Variants in RHOQ observed in about 807,000 individuals in gnomAD.
RHOQ encodes the protein ras homolog family member Q.
A neutral mutation model predicts 25.8 loss-of-function variants in RHOQ; 7 were observed. The observed-to-expected ratio is 0.27, with a 90% CI of 0.15 to 0.51. The LOEUF (loss-of-function observed/expected upper bound fraction) is 0.51. Among genes scored for constraint, RHOQ ranks in the 20% least tolerant of loss-of-function variants. The pLI is 0.97. For synonymous variants in RHOQ, 97 were observed against 98.6 expected (o/e 0.98, Z 0.10); for missense variants, 165 against 260.6 (o/e 0.63, Z 2.53).
chr2:46,572,340 C>G (rs1012222926), intron 2 of RHOQ, among the ~76,000 whole-genome samples: 2 of 151,850 alleles, frequency 1.3e-5, no homozygotes, highest in African/African-American at 4.8e-5. Context: ...TGGACTCAAG[C>G]AATCTCCCCA....
chr2:46,545,255 C>T (rs1191506320), intron 2 of RHOQ, among the ~76,000 whole-genome samples: 1 of 152,216 alleles, frequency 6.6e-6, no homozygotes, highest in Non-Finnish European at 1.5e-5. Context: ...TCAACTAAGA[C>T]TGACTTTTAA....
At chr2:46,575,561 G>T (rs750057630) in intron 2 of RHOQ, among the ~76,000 whole-genome samples, 2 of 152,064 alleles carry the variant, frequency 1.3e-5, no homozygotes, top group African/African-American at 2.4e-5. Context: ...TCAGCTCCTT[G>T]ACTTACTGGC....
intron 2 of RHOQ, among the ~76,000 whole-genome samples, chr2:46,571,059 A>G (rs1300589420): frequency 1.3e-5 from 2 of 152,232 alleles, no homozygotes; most frequent in Non-Finnish European, 2.9e-5. Flanking sequence ...GGACTGGACT[A>G]AAGTCGCATT....
intron 2 of RHOQ, chr2:46,572,867 C>G (rs1245825235): frequency 2.6e-6 from 1 of 387,586 alleles, no homozygotes; most frequent in Non-Finnish European, 5.1e-6. Context: ...ATTCTGCACA[C>G]CTCCACTTAT....
rs1483702200 is a variant in RHOQ, at chr2:46,576,936, T to C, written c.462+280T>C. The C allele has an allele frequency of 2.6e-5, 7 of 272,088 alleles. No homozygotes were observed. The highest frequency in any genetic ancestry group is 1.0e-3 in the Middle Eastern group (1 of 958). 16.9% of individuals were successfully genotyped at this position (272,088 alleles called of 1,614,324 possible). A position where few individuals can be genotyped will look rare whatever the true frequency, so the allele number is the denominator to read the frequency against. On this transcript the variant is annotated intron_variant, in intron 4 of 4. Transcript: ENST00000238738. This position sits in a 1 kb window ranked among gnomAD's most constrained non-coding sequence, Gnocchi z 5.1. The stretch of plus-strand genomic sequence containing the variant: ...AAGCCTGACTCCTGGGCCGAGACTC[T>C]TACACCTTTGCTACATTGCCAGTGA...
At chr2:46,573,805 AT>A (rs1427941446) in intron 2 of RHOQ, among the ~76,000 whole-genome samples, 1 of 152,228 alleles carries the variant, frequency 6.6e-6, no homozygotes, top group Non-Finnish European at 1.5e-5. Context: ...AAAATCTCTA[AT>A]TTGGCTTTCT....
intron 4 of RHOQ, chr2:46,580,379 G>A (rs1386525412): frequency 2.6e-5 from 4 of 152,226 alleles, no homozygotes; most frequent in African/African-American, 9.7e-5. Flanking sequence ...CACATCCTCA[G>A]TGTGATCTTG....
In RHOQ at chr2:46,581,280, C is replaced by A. The variant is rs1572761957; in HGVS notation, c.*197C>A. 2.0e-6 allele frequency: 2 copies of A among 976,406 alleles called. No homozygotes were observed. The highest frequency in any genetic ancestry group is 1.8e-5 in the South Asian group (1 of 54,108). The allele number at this position is 976,406 out of a possible 1,614,324, so 60.5% of individuals were successfully genotyped here. A position where few individuals can be genotyped will look rare whatever the true frequency, so the allele number is the denominator to read the frequency against. ...AGAAGCAGTAAGCAGCATCTGAAGC[C>A]ACAATCTATTATAAATACTTTATTT... On this transcript the variant is annotated 3_prime_UTR_variant, in exon 5 of 5. Coordinates refer to ENST00000238738, the MANE Select transcript of RHOQ (RefSeq NM_012249.4).
intron 2 of RHOQ, among the ~76,000 whole-genome samples, chr2:46,553,929 A>G (rs964624340): frequency 1.2e-4 from 18 of 151,776 alleles, no homozygotes; most frequent in Non-Finnish European, 2.4e-4. Flanking sequence ...CAAACCCCCA[A>G]CTACACATCC....
intron 2 of RHOQ, among the ~76,000 whole-genome samples, chr2:46,575,093 A>G (rs1669067101): frequency 6.6e-6 from 1 of 152,232 alleles, no homozygotes; most frequent in South Asian, 2.1e-4. Flanking sequence ...GCCTTTTGTG[A>G]TAGAGACTAA....
intron 2 of RHOQ, among the ~76,000 whole-genome samples, chr2:46,547,924 C>A (rs1319155582): frequency 6.6e-6 from 1 of 152,196 alleles, no homozygotes; most frequent in Non-Finnish European, 1.5e-5. Context: ...CTAGGCTGAT[C>A]TCTTAATCCT....
In RHOQ at chr2:46,543,007, G is replaced by T. The variant is rs750438721; in HGVS notation, c.-40G>T. ...GGCTGAGCCCGGGGCCGGGGCGGGGGCTCCGGGGGGACCATGCCCGGAGGC... is the reference window on the plus strand; with the variant it reads ...GGCTGAGCCCGGGGCCGGGGCGGGGTCTCCGGGGGGACCATGCCCGGAGGC... On this transcript the variant is annotated 5_prime_UTR_variant, in exon 1 of 5. Coordinates refer to ENST00000238738, the MANE Select transcript of RHOQ (RefSeq NM_012249.4). 6.1e-6 allele frequency: 9 copies of T among 1,473,580 alleles called. No individual in the cohort carries two copies. The highest frequency in any genetic ancestry group is 2.4e-5 in the Admixed American group (1 of 41,478). The allele number at this position is 1,473,580 out of a possible 1,614,324, so 91.3% of individuals were successfully genotyped here.
At chr2:46,563,726 GTGTGCATACACACGCATGTGTGTCT>G in intron 2 of RHOQ, among the ~76,000 whole-genome samples, 1 of 152,230 alleles carries the variant, frequency 6.6e-6, no homozygotes. Flanking sequence ...GAGTGTGCAT[GTGTGCATACACACGCATGTGTGTCT>G]GGGTACCTGT....
Position 46,581,415 on chromosome 2 carries a change from C to T in RHOQ, c.*332C>T. On this transcript the variant is annotated 3_prime_UTR_variant, in exon 5 of 5. Transcript: ENST00000238738. ...TGTAAATGGAACTGCTTGGCTTTGA[C>T]CATACACATTTCTGCCCAGCCCTTA... 6.4e-7 allele frequency: 1 copy of T among 1,571,116 alleles called. No individual in the cohort carries two copies. Among genetic ancestry groups the T allele is most frequent in the Non-Finnish European group, 8.6e-7 (1 of 1,157,842 alleles).
At chr2:46,543,309 C>A in intron 1 of RHOQ, 121 bp downstream of exon 1, 1 of 1,162,292 alleles carries the variant, frequency 8.6e-7, no homozygotes, top group Non-Finnish European at 1.2e-6. Context: ...CCGCCGCGCC[C>A]TCTGCCAGGC....
intron 2 of RHOQ, chr2:46,568,529 T>G (rs995597696): frequency 6.6e-6 from 1 of 152,226 alleles, no homozygotes; most frequent in Non-Finnish European, 1.5e-5. Context: ...GATGGATCAC[T>G]CTTGCTATGC....
rs147464619 is a variant in RHOQ at position 46,556,662 on chromosome 2, C to T, written c.201+12850C>T. The stretch of plus-strand genomic sequence containing the variant: ...GAGGTGAGGAACACAAAATTCCATC[C>T]GATCGGGTTCTTCCCCCGTAGGAGT... On this transcript the variant is annotated intron_variant, in intron 2 of 4. Coordinates refer to ENST00000238738, the MANE Select transcript of RHOQ (RefSeq NM_012249.4). This position sits in a 1 kb window ranked among gnomAD's most constrained non-coding sequence, Gnocchi z 4.9. Among the ~76,000 whole-genome samples the T allele has an allele frequency of 4.0e-3, 603 of 152,094 alleles. 3 individuals are homozygous for T. The highest frequency in any genetic ancestry group is 0.014 in the African/African-American group (573 of 41,442).
intron 2 of RHOQ, among the ~76,000 whole-genome samples, chr2:46,549,031 T>C (rs1319067743): frequency 3.3e-5 from 5 of 152,160 alleles, no homozygotes; most frequent in Non-Finnish European, 4.4e-5. Context: ...CCAGCTCTCG[T>C]TGGTCTACAA....
chr2:46,571,410 C>T (rs1011433289), intron 2 of RHOQ, among the ~76,000 whole-genome samples: 1 of 152,224 alleles, frequency 6.6e-6, no homozygotes, highest in African/African-American at 2.4e-5. Flanking sequence ...ATTGTGGGCA[C>T]TGCTGCACAT....
Sources: allele counts gnomAD v4.1 joint callset (sites outside exome capture counted in the v4.1 genomes callset), GRCh38; gene constraint gnomAD v4.1.1; non-coding constraint Gnocchi (gnomAD v3.1); transcripts MANE v1.5; gene names NCBI Gene and HGNC (gene_info 2026-07-23, HGNC 2026-07-21).